Variants in MITF observed in about 807,000 individuals in gnomAD.
MITF encodes microphthalmia-associated transcription factor.
In MITF, 17 loss-of-function variants were observed where a neutral mutation model predicts 60.5. The observed-to-expected ratio is 0.28, with a 90% CI of 0.19 to 0.42. The LOEUF is 0.42. MITF is among the 10% of genes least tolerant of loss of function. MITF has a pLI of 1.00. For missense variants in MITF, 622 were observed against 683.5 expected, an observed-to-expected ratio of 0.91 and a Z score of 1.00; for synonymous variants, 260 against 248.5, an observed-to-expected ratio of 1.05 and a Z score of -0.43.
In MITF at chr3:69,966,527, G is replaced by A; in HGVS notation, c.*1279G>A. ...ACCATAGCATTAATACGCCCATTATGGTCATTTAAATTGGGGTTTATTTCA... is the reference window on the plus strand; with the variant it reads ...ACCATAGCATTAATACGCCCATTATAGTCATTTAAATTGGGGTTTATTTCA... On this transcript the variant is annotated 3_prime_UTR_variant, in exon 10 of 10. Coordinates refer to ENST00000352241, the MANE Select transcript of MITF (RefSeq NM_001354604.2). 4.3e-6 allele frequency: 1 copy of A among 232,866 alleles called. No individual in the cohort carries two copies. 14.4% of individuals were successfully genotyped at this position (232,866 alleles called of 1,614,324 possible).
chr3:69,909,518 T>C (rs2065176668), intron 2 of MITF, among the ~76,000 whole-genome samples: 2 of 151,992 alleles, frequency 1.3e-5, no homozygotes, highest in South Asian at 4.2e-4. Context: ...GACAGAAAAA[T>C]GTGGGAAAGT....
At position 69,904,084 on chromosome 3, in the gene MITF, A is replaced by G. The variant is rs148182704; in HGVS notation, c.354+24701A>G. On this transcript the variant is annotated intron_variant, in intron 2 of 9. Transcript: ENST00000352241. ...GAATAAACACGTCTAGAAACAAGGT[A>G]TTGCCATGATTAGCTTGAACCAGTA... Among the ~76,000 whole-genome samples, 831 of 152,228 alleles carry G rather than the reference A, an allele frequency of 5.5e-3. 11 individuals carry two copies. Among genetic ancestry groups the G allele is most frequent in the Middle Eastern group, 0.014 (4 of 294 alleles).
intron 1 of MITF, among the ~76,000 whole-genome samples, chr3:69,789,906 T>G (rs2062712080): frequency 6.6e-6 from 1 of 152,016 alleles, no homozygotes; most frequent in Non-Finnish European, 1.5e-5. Context: ...CCCAGTTTTG[T>G]GTGCATGTAT....
chr3:69,821,720 C>T (rs6800508), intron 1 of MITF, among the ~76,000 whole-genome samples: 22,592 of 126,980 alleles, frequency 0.18, 2,059 homozygotes, highest in Middle Eastern at 0.26. Flanking sequence ...AAAGTTCAAA[C>T]GGGATTTTCT....
chr3:69,778,327 TTGAC>T (rs2062508209), intron 1 of MITF, among the ~76,000 whole-genome samples: 1 of 152,192 alleles, frequency 6.6e-6, no homozygotes, highest in Non-Finnish European at 1.5e-5. Flanking sequence ...GTATAGTCAT[TTGAC>T]TGTTTTAGAA....
intron 1 of MITF, chr3:69,763,528 G>A: frequency 1.8e-6 from 2 of 1,103,894 alleles, no homozygotes; most frequent in Non-Finnish European, 2.2e-6. Flanking sequence ...CTGCTGCCAA[G>A]GATCCTGTTA....
At chr3:69,914,184 T>G (rs11711047) in intron 2 of MITF, among the ~76,000 whole-genome samples, 2 of 151,894 alleles carry the variant, frequency 1.3e-5, no homozygotes, top group African/African-American at 4.8e-5. Context: ...TACAATGGTG[T>G]GATCTTGGCT....
intron 1 of MITF, among the ~76,000 whole-genome samples, chr3:69,855,570 C>G (rs529279392): frequency 2.0e-4 from 30 of 150,474 alleles, no homozygotes; most frequent in Non-Finnish European, 1.5e-5. Context: ...TTTTTTTTTT[C>G]AAGTACAACA....
At chr3:69,934,754 G>A (rs550514290) in intron 2 of MITF, among the ~76,000 whole-genome samples, 37 of 152,208 alleles carry the variant, frequency 2.4e-4, no homozygotes, top group Non-Finnish European at 5.0e-4. Context: ...TTTCTCAGAA[G>A]AGAAACTTCT....
chr3:69,773,534 T>G (rs1387314334), intron 1 of MITF, among the ~76,000 whole-genome samples: 1 of 152,196 alleles, frequency 6.6e-6, no homozygotes, highest in Non-Finnish European at 1.5e-5. Context: ...TTCCTTCTTA[T>G]AAAACAATGC....
intron 1 of MITF, among the ~76,000 whole-genome samples, chr3:69,837,797 G>A (rs1388262027): frequency 6.6e-6 from 1 of 152,126 alleles, no homozygotes; most frequent in African/African-American, 2.4e-5. Flanking sequence ...TAATGTACTT[G>A]ATTACAAACT....
intron 1 of MITF, among the ~76,000 whole-genome samples, chr3:69,759,816 C>T (rs529258661): frequency 1.8e-4 from 27 of 152,236 alleles, no homozygotes; most frequent in African/African-American, 6.3e-4. Context: ...CTCGCTCTGT[C>T]GTCCAGGCTG....
chr3:69,790,200 C>G lies in MITF; in HGVS notation c.104+50499C>G, dbSNP rs185548449. On this transcript the variant is annotated intron_variant, in intron 1 of 9. Coordinates refer to ENST00000352241, the MANE Select transcript of MITF (RefSeq NM_001354604.2). ...ACAAGAAGGTAAATACTGTATGAAT[C>G]CACTTATAGTAAGTTAAGTAAGCCA... is the stretch of plus-strand genomic sequence containing the variant. Among the ~76,000 whole-genome samples the G allele has an allele frequency of 6.7e-3, 1,026 of 152,128 alleles. 11 individuals are homozygous for G. Among genetic ancestry groups the G allele is most frequent in the African/African-American group, 0.024 (975 of 41,486 alleles).
chr3:69,833,728 C>CT (rs1348208156), intron 1 of MITF, among the ~76,000 whole-genome samples: 2 of 150,696 alleles, frequency 1.3e-5, no homozygotes, highest in Non-Finnish European at 3.0e-5. Flanking sequence ...ACTGTATGTG[C>CT]TTTTTTCTCT....
chr3:69,872,205 T>C (rs1241286148), intron 1 of MITF, among the ~76,000 whole-genome samples: 9 of 152,178 alleles, frequency 5.9e-5, no homozygotes, highest in Admixed American at 4.6e-4. Context: ...TGGAGATCAG[T>C]CGTGGTCATA....
chr3:69,953,658 T>C (rs1443318816), intron 7 of MITF, among the ~76,000 whole-genome samples: 1 of 137,632 alleles, frequency 7.3e-6, no homozygotes, highest in South Asian at 2.7e-4. Context: ...TATATATATA[T>C]ATATAGAGAG....
At chr3:69,808,277 A>T (rs2106982077) in intron 1 of MITF, among the ~76,000 whole-genome samples, 1 of 152,160 alleles carries the variant, frequency 6.6e-6, no homozygotes, top group South Asian at 2.1e-4. Context: ...GAATAACCGT[A>T]CAAGTTTTAG....
chr3:69,775,631 T>C (rs1477253503), intron 1 of MITF, among the ~76,000 whole-genome samples: 1 of 152,238 alleles, frequency 6.6e-6, no homozygotes, highest in Non-Finnish European at 1.5e-5. Context: ...AGAAATGAGC[T>C]TTAATGCCAT....
At chr3:69,917,078 CAG>C (rs1461865259) in intron 2 of MITF, among the ~76,000 whole-genome samples, 35 of 152,184 alleles carry the variant, frequency 2.3e-4, no homozygotes, top group African/African-American at 7.9e-4. Flanking sequence ...TATTAAGTAA[CAG>C]GGTATAAAAA....
Sources: gnomAD v4.1 joint callset for allele counts (sites outside exome capture counted in the v4.1 genomes callset) on GRCh38, gnomAD v4.1.1 for gene constraint, MANE v1.5 for transcripts, NCBI Gene and HGNC (gene_info 2026-07-23, HGNC 2026-07-21) for gene names.